CSMD3: variants seen among roughly 807,000 people sequenced by gnomAD.
The protein encoded by CSMD3 is CUB and sushi domain-containing protein 3.
Under a neutral mutation model 435.2 loss-of-function variants are expected in CSMD3, and 177 were observed. That is an observed-to-expected ratio of 0.41 (90% confidence interval 0.36 to 0.46). The LOEUF (loss-of-function observed/expected upper bound fraction) is 0.46, where lower values mean the gene tolerates loss of function less well. CSMD3 is among the 20% of genes least tolerant of loss of function. The pLI, the probability that CSMD3 is intolerant of heterozygous loss-of-function variation, is 0.34. For synonymous variants in CSMD3, 1,656 were observed against 1,520.5 expected, an observed-to-expected ratio of 1.09 and a Z score of -2.07; for missense variants, 4,265 against 4,504.6, an observed-to-expected ratio of 0.95 and a Z score of 1.52.
intron 32 of CSMD3, among the ~76,000 whole-genome samples, chr8:112,457,214 T>C (rs578034471): frequency 5.9e-5 from 9 of 152,130 alleles, no homozygotes; most frequent in Non-Finnish European, 1.2e-4. Flanking sequence ...TTGAAAATAA[T>C]TGGACACATG....
intron 27 of CSMD3, among the ~76,000 whole-genome samples, chr8:112,534,771 A>G (rs1003409919): frequency 2.0e-5 from 3 of 152,134 alleles, no homozygotes; most frequent in Non-Finnish European, 2.9e-5. Flanking sequence ...CATTGATGCA[A>G]AAATCCTCAA....
At chr8:112,881,099 A>C (rs868096591) in intron 10 of CSMD3, among the ~76,000 whole-genome samples, 29 of 151,972 alleles carry the variant, frequency 1.9e-4, no homozygotes, top group South Asian at 4.1e-4. Context: ...GATGCACTCA[A>C]CTCTATGAGA....
chr8:112,922,780 C>T (rs2130642332), intron 9 of CSMD3, among the ~76,000 whole-genome samples: 1 of 152,154 alleles, frequency 6.6e-6, no homozygotes, highest in Admixed American at 6.6e-5. Context: ...CATTGTGACA[C>T]CTGATCAACA....
chr8:112,922,861 C>T (rs2082789217), intron 9 of CSMD3, among the ~76,000 whole-genome samples: 1 of 152,062 alleles, frequency 6.6e-6, no homozygotes, highest in Admixed American at 6.6e-5. Flanking sequence ...GTCATGACTC[C>T]AAGTTTTATT....
At chr8:112,436,788 G>A (rs188626548) in intron 32 of CSMD3, among the ~76,000 whole-genome samples, 49 of 152,028 alleles carry the variant, frequency 3.2e-4, no homozygotes, top group Admixed American at 2.2e-3. Context: ...TTATGTTAGC[G>A]TAGTAGGAGT....
At chr8:113,242,564 T>C (rs1463655421) in intron 3 of CSMD3, among the ~76,000 whole-genome samples, 1 of 152,054 alleles carries the variant, frequency 6.6e-6, no homozygotes, top group African/African-American at 2.4e-5. Context: ...TGCAGTCCGC[T>C]TCTGCTTTGT....
chr8:112,550,065 C>T (rs1191739453), intron 27 of CSMD3, among the ~76,000 whole-genome samples: 1 of 151,882 alleles, frequency 6.6e-6, no homozygotes, highest in Admixed American at 6.6e-5. Context: ...ATTTCTTTTA[C>T]AGAACAACAT....
chr8:113,126,347 C>T (rs1320727134), intron 4 of CSMD3, among the ~76,000 whole-genome samples: 1 of 151,454 alleles, frequency 6.6e-6, no homozygotes, highest in Non-Finnish European at 1.5e-5. Context: ...CAAGGGGAGA[C>T]AAACTGGAAA....
chr8:112,478,972 T>A (rs1007772885), intron 31 of CSMD3, among the ~76,000 whole-genome samples: 2 of 152,110 alleles, frequency 1.3e-5, no homozygotes, highest in African/African-American at 4.8e-5. Context: ...GAGATTGGGG[T>A]ACCACCTCCT....
intron 59 of CSMD3, among the ~76,000 whole-genome samples, chr8:112,275,518 G>C (rs988495618): frequency 6.6e-6 from 1 of 152,114 alleles, no homozygotes; most frequent in African/African-American, 2.4e-5. Context: ...TTGCACTCCA[G>C]CCTGGGCAAC....
intron 5 of CSMD3, among the ~76,000 whole-genome samples, chr8:113,067,412 T>C (rs951585129): frequency 6.6e-6 from 1 of 152,112 alleles, no homozygotes; most frequent in African/African-American, 2.4e-5. Flanking sequence ...TGGACTGAAA[T>C]TGCAGCATAG....
intron 22 of CSMD3, among the ~76,000 whole-genome samples, chr8:112,597,143 G>A (rs1320047784): frequency 6.6e-6 from 1 of 151,032 alleles, no homozygotes; most frequent in Non-Finnish European, 1.5e-5. Flanking sequence ...GAAGAAAAGA[G>A]AGAAGAGTCA....
chr8:113,077,557 C>G (rs2089395496), intron 5 of CSMD3, among the ~76,000 whole-genome samples: 1 of 151,900 alleles, frequency 6.6e-6, no homozygotes, highest in African/African-American at 2.4e-5. Context: ...CAAAGATTAG[C>G]CGGGTGTGGT....
At chr8:112,609,946 ATG>A (rs1240695724) in intron 22 of CSMD3, among the ~76,000 whole-genome samples, 1 of 151,962 alleles carries the variant, frequency 6.6e-6, no homozygotes, top group Non-Finnish European at 1.5e-5. Flanking sequence ...CCATGATCTC[ATG>A]TACATGTGGG....
intron 30 of CSMD3, among the ~76,000 whole-genome samples, chr8:112,500,612 G>C (rs890765215): frequency 2.0e-5 from 3 of 152,122 alleles, no homozygotes; most frequent in Non-Finnish European, 4.4e-5. Context: ...AATGATACAG[G>C]AGTTAATAAG....
At chr8:113,116,572 T>C (rs1427606256) in intron 4 of CSMD3, among the ~76,000 whole-genome samples, 2 of 152,116 alleles carry the variant, frequency 1.3e-5, no homozygotes, top group East Asian at 1.9e-4. Flanking sequence ...ACTATAAAGA[T>C]ACCTGAAAAT....
chr8:113,050,980 T>C (rs529247900), intron 5 of CSMD3, among the ~76,000 whole-genome samples: 1 of 152,012 alleles, frequency 6.6e-6, no homozygotes, highest in Non-Finnish European at 1.5e-5. Context: ...TAACATTTGG[T>C]GGGAGAAGGG....
chr8:113,100,445 A>G (rs1484949973), intron 4 of CSMD3, among the ~76,000 whole-genome samples: 1 of 152,098 alleles, frequency 6.6e-6, no homozygotes, highest in African/African-American at 2.4e-5. Flanking sequence ...CAAGACCAAC[A>G]TTGAATACTG....
At chr8:113,419,393 C>T (rs1460095942) in intron 1 of CSMD3, among the ~76,000 whole-genome samples, 1 of 152,068 alleles carries the variant, frequency 6.6e-6, no homozygotes, top group African/African-American at 2.4e-5. Context: ...GCTGGGATTA[C>T]AGGCGTGAAC....
Sources: allele counts gnomAD v4.1 joint callset (sites outside exome capture counted in the v4.1 genomes callset), GRCh38; gene constraint gnomAD v4.1.1; transcripts MANE v1.5; gene names NCBI Gene and HGNC (gene_info 2026-07-23, HGNC 2026-07-21).